C9: variants seen among roughly 807,000 people sequenced by gnomAD.
The protein encoded by C9 is complement component C9.
C9 carries 63 observed loss-of-function variants against 65.4 expected under a neutral mutation model. That is an observed-to-expected ratio of 0.96 (90% confidence interval 0.79 to 1.19). The LOEUF (loss-of-function observed/expected upper bound fraction) is 1.19. Ranked by LOEUF, C9 falls within the 50% of genes most tolerant of loss-of-function variation. The pLI, the probability that C9 is intolerant of heterozygous loss-of-function variation, is 0.00. For synonymous variants in C9, 229 were observed against 227.9 expected (o/e 1.00, Z -0.04); for missense variants, 744 against 670.1 (o/e 1.11, Z -1.22).
In C9 at chr5:39,299,539, A is replaced by G. The variant is rs368231608; in HGVS notation, c.1416+7078T>C. Reference sequence around the variant, plus strand: ...GAAAGGAACTACTCATACATACAAGAATGTCGATGTGTGAATGTGGATGGA... The same window carrying G: ...GAAAGGAACTACTCATACATACAAGGATGTCGATGTGTGAATGTGGATGGA... On this transcript the variant is annotated intron_variant, in intron 9 of 10. Transcript: ENST00000263408. Among the ~76,000 whole-genome samples, 23 of 152,286 alleles carry G rather than the reference A, an allele frequency of 1.5e-4. No individual in the cohort carries two copies. The South Asian group carries it at 4.8e-3, about 32-fold the overall frequency.
chr5:39,346,605 G>C (rs1754199125), intron 1 of C9, among the ~76,000 whole-genome samples: 1 of 152,186 alleles, frequency 6.6e-6, no homozygotes, highest in African/African-American at 2.4e-5. Context: ...AGGAGGAGCT[G>C]CTACCACTCT....
At chr5:39,352,558 C>A (rs922694519) in intron 1 of C9, among the ~76,000 whole-genome samples, 3 of 152,304 alleles carry the variant, frequency 2.0e-5, no homozygotes, top group African/African-American at 7.2e-5. Context: ...TCTCATCCTG[C>A]ACTCCAATCC....
rs140858634 is a variant in C9, at chr5:39,306,520, G to A, written c.1416+97C>T. On this transcript the variant is annotated intron_variant, in intron 9 of 10. Transcript: ENST00000263408. ...AATGGGAGTGTATCTGAATGTTCAC[G>A]TCTCTTTCAGATGAAGCTAACAGTT... 2.2e-5 allele frequency: 21 copies of A among 973,894 alleles called. 1 individual carries two copies. In the Middle Eastern group the frequency reaches 1.2e-3, roughly 57 times the overall value. The allele number at this position is 973,894 out of a possible 1,614,324, so 60.3% of individuals were successfully genotyped here. A position where few individuals can be genotyped will look rare whatever the true frequency, so the allele number is the denominator to read the frequency against.
intron 7 of C9, among the ~76,000 whole-genome samples, chr5:39,310,792 G>T (rs538994539): frequency 6.6e-6 from 1 of 152,250 alleles, no homozygotes; most frequent in Admixed American, 6.5e-5. Flanking sequence ...CTAGTCTATT[G>T]ATTAAGAAGT....
chr5:39,334,994 G>GA (rs57954565), intron 4 of C9, among the ~76,000 whole-genome samples: 123,354 of 145,038 alleles, frequency 0.85, 52,354 homozygotes, highest in Admixed American at 0.9. Flanking sequence ...TCTGCCTTGG[G>GA]AAAAAAAAAA....
intron 1 of C9, among the ~76,000 whole-genome samples, chr5:39,350,129 G>T (rs1754295454): frequency 6.6e-6 from 1 of 152,194 alleles, no homozygotes; most frequent in Admixed American, 6.5e-5. Context: ...TCAGAAGGGT[G>T]AAGGGTAAGC....
chr5:39,292,490 A>T (rs1441564814), intron 9 of C9, among the ~76,000 whole-genome samples: 1 of 151,882 alleles, frequency 6.6e-6, no homozygotes, highest in East Asian at 1.9e-4. Flanking sequence ...TGCCAAAGGA[A>T]ATTTTTCAGG....
In C9 at chr5:39,342,080, T is replaced by C. The variant is rs140776337; in HGVS notation, c.183+11A>G. The C allele has an allele frequency of 1.4e-6, 2 of 1,450,148 alleles. No homozygotes were observed. Among genetic ancestry groups the C allele is most frequent in the Non-Finnish European group, 1.9e-6 (2 of 1,030,148 alleles). The allele number at this position is 1,450,148 out of a possible 1,614,324, so 89.8% of individuals were successfully genotyped here. On this transcript the variant is annotated intron_variant, in intron 2 of 10. Transcript: ENST00000263408. ...TGGGGAGGTCAGTGGGGAAGGGAGA[T>C]GAACACTTACCATTTGTCTGAGACA...
At chr5:39,327,017 G>A (rs1468032564) in intron 5 of C9, among the ~76,000 whole-genome samples, 1 of 152,084 alleles carries the variant, frequency 6.6e-6, no homozygotes, top group East Asian at 1.9e-4. Flanking sequence ...AAATAAAAGG[G>A]TGAGATAGCA....
chr5:39,339,256 AGGCTAAG>A, intron 4 of C9, among the ~76,000 whole-genome samples: 1 of 152,318 alleles, frequency 6.6e-6, no homozygotes, highest in African/African-American at 2.4e-5. Flanking sequence ...TCCCACCTTT[AGGCTAAG>A]GGCCAAAGGC....
intron 1 of C9, among the ~76,000 whole-genome samples, chr5:39,359,794 A>G (rs1196593762): frequency 6.6e-6 from 1 of 152,226 alleles, no homozygotes; most frequent in Non-Finnish European, 1.5e-5. Context: ...TTTCCTTGTT[A>G]GCATTCCTCA....
chr5:39,309,306 A>G (rs1389226034), intron 7 of C9, among the ~76,000 whole-genome samples: 1 of 152,072 alleles, frequency 6.6e-6, no homozygotes, highest in Non-Finnish European at 1.5e-5. Flanking sequence ...ATTTGTGATT[A>G]TTTGTTCTGG....
intron 6 of C9, 124 bp downstream of exon 6, chr5:39,315,651 T>C: frequency 1.4e-6 from 1 of 721,214 alleles, no homozygotes; most frequent in East Asian, 2.7e-5. Context: ...ACGTGCTAGC[T>C]ACATATTTGA....
At chr5:39,303,919 G>T (rs1753330948) in intron 9 of C9, among the ~76,000 whole-genome samples, 1 of 152,096 alleles carries the variant, frequency 6.6e-6, no homozygotes. Flanking sequence ...TTCCTGCTTT[G>T]CACCCTGAGC....
chr5:39,327,741 G>A (rs1378917261), intron 5 of C9, among the ~76,000 whole-genome samples: 1 of 152,080 alleles, frequency 6.6e-6, no homozygotes, highest in African/African-American at 2.4e-5. Flanking sequence ...GAAAACTGAA[G>A]CCATAGGAGA....
At chr5:39,323,085 C>T (rs1483034575) in intron 5 of C9, among the ~76,000 whole-genome samples, 4 of 151,822 alleles carry the variant, frequency 2.6e-5, no homozygotes, top group African/African-American at 9.7e-5. Flanking sequence ...GGATACATTC[C>T]TAGAAACATA....
At chr5:39,329,318 A>G (rs1753804748) in intron 5 of C9, among the ~76,000 whole-genome samples, 1 of 152,226 alleles carries the variant, frequency 6.6e-6, no homozygotes, top group Middle Eastern at 3.2e-3. Context: ...AATGAATAAT[A>G]GCTAATATTT....
intron 4 of C9, among the ~76,000 whole-genome samples, chr5:39,335,764 C>G (rs1217538594): frequency 6.6e-6 from 1 of 151,884 alleles, no homozygotes; most frequent in East Asian, 1.9e-4. Flanking sequence ...CACATTGAGT[C>G]TTCTGGAGGA....
chr5:39,326,705 C>A (rs968261774), intron 5 of C9, among the ~76,000 whole-genome samples: 4 of 152,174 alleles, frequency 2.6e-5, no homozygotes, highest in Admixed American at 2.0e-4. Flanking sequence ...GGAAAGACTA[C>A]ATATTTTCCA....
Sources: allele counts gnomAD v4.1 joint callset (sites outside exome capture counted in the v4.1 genomes callset), GRCh38; gene constraint gnomAD v4.1.1; transcripts MANE v1.5; gene names NCBI Gene and HGNC (gene_info 2026-07-23, HGNC 2026-07-21).